MAP2K6: variants seen among roughly 807,000 people sequenced by gnomAD.
MAP2K6 encodes the protein mitogen-activated protein kinase kinase 6.
In MAP2K6, 16 loss-of-function variants were observed where a neutral mutation model predicts 53.7. The observed-to-expected ratio is 0.30, with a 90% CI of 0.20 to 0.45. The LOEUF (loss-of-function observed/expected upper bound fraction) is 0.45. Among genes scored for constraint, MAP2K6 ranks in the 20% least tolerant of loss-of-function variants. The pLI, the probability that MAP2K6 is intolerant of heterozygous loss-of-function variation, is 1.00. For missense variants in MAP2K6, 204 were observed against 411.9 expected (o/e 0.50, Z 4.37); for synonymous variants, 132 against 143.1 (o/e 0.92, Z 0.55).
At chr17:69,540,993 G>A (rs1911590259) in intron 11 of MAP2K6, among the ~76,000 whole-genome samples, 2 of 152,210 alleles carry the variant, frequency 1.3e-5, no homozygotes, top group Admixed American at 6.5e-5. Flanking sequence ...GCCGGGCATG[G>A]TGGCACACGC....
At chr17:69,422,252 C>G (rs556840427) in intron 1 of MAP2K6, among the ~76,000 whole-genome samples, 2 of 151,502 alleles carry the variant, frequency 1.3e-5, no homozygotes, top group Non-Finnish European at 2.9e-5. Flanking sequence ...CTGCCTCAGC[C>G]TCCCGAGTAG....
intron 1 of MAP2K6, among the ~76,000 whole-genome samples, chr17:69,482,782 A>G (rs745549842): frequency 6.6e-6 from 1 of 152,068 alleles, no homozygotes; most frequent in Non-Finnish European, 1.5e-5. Flanking sequence ...ATATCTTTAT[A>G]TCTTTAGTAT....
At chr17:69,497,620 G>T (rs67953371) in intron 1 of MAP2K6, among the ~76,000 whole-genome samples, 4,996 of 151,132 alleles carry the variant, frequency 0.033, 233 homozygotes, top group East Asian at 0.15. Flanking sequence ...AAATATATTT[G>T]TTACAGTATT....
intron 1 of MAP2K6, among the ~76,000 whole-genome samples, chr17:69,424,249 AG>A (rs548943367): frequency 6.5e-4 from 99 of 152,308 alleles, no homozygotes; most frequent in African/African-American, 2.2e-3. Context: ...CTGAAAATGA[AG>A]GGAGGTGAAA....
chr17:69,481,402 CTGTCAGTGGACACTTGGGT>C (rs1908347125), intron 1 of MAP2K6, among the ~76,000 whole-genome samples: 1 of 152,108 alleles, frequency 6.6e-6, no homozygotes, highest in Non-Finnish European at 1.5e-5. Context: ...ATCTATTTAT[CTGTCAGTGGACACTTGGGT>C]TGCTTCCACC....
rs1911970755 is a variant in MAP2K6 at position 69,548,643 on chromosome 17, C to T, written c.*6890C>T. On this transcript the variant is annotated 3_prime_UTR_variant, in exon 12 of 12. Coordinates refer to ENST00000590474, the MANE Select transcript of MAP2K6 (RefSeq NM_002758.4). ...TGCTCTTCACCTAGGGAAATAAAAC[C>T]TGAATTTCAGAGCCTTCAAAATGAA... 6.6e-6 allele frequency: 1 copy of T among 152,092 alleles called. No individual in the cohort carries two copies. The highest frequency in any genetic ancestry group is 1.5e-5 in the Non-Finnish European group (1 of 68,020). The allele number at this position is 152,092 out of a possible 1,614,324, so 9.4% of individuals were successfully genotyped here.
chr17:69,525,834 G>A (rs746776384), intron 9 of MAP2K6, among the ~76,000 whole-genome samples: 5 of 152,158 alleles, frequency 3.3e-5, no homozygotes, highest in Non-Finnish European at 7.3e-5. Flanking sequence ...TATCAGTCAG[G>A]TATATCCTCA....
intron 1 of MAP2K6, among the ~76,000 whole-genome samples, chr17:69,457,120 C>T (rs1907439443): frequency 6.6e-6 from 1 of 152,200 alleles, no homozygotes; most frequent in Non-Finnish European, 1.5e-5. Context: ...AGCAAGAGTT[C>T]CTACCCCAGA....
rs1242755024 is a variant in MAP2K6, at chr17:69,494,630, C to T, written c.17-11150C>T. 6.6e-6 allele frequency among the ~76,000 whole-genome samples: 1 copy of T among 152,108 alleles called. No homozygotes were observed. The highest frequency in any genetic ancestry group is 1.5e-5 in the Non-Finnish European group (1 of 67,998). ...AACGTTCCTTTGTTTCTTTATTACC[C>T]CCTTAGTCTTCAAGCAGCTGGTTGA... On this transcript the variant is annotated intron_variant, in intron 1 of 11. Transcript: ENST00000590474. The surrounding 1 kb of genome is among the most constrained non-coding windows in gnomAD (Gnocchi z 4.2).
At chr17:69,447,553 C>A (rs1907013311) in intron 1 of MAP2K6, among the ~76,000 whole-genome samples, 1 of 151,994 alleles carries the variant, frequency 6.6e-6, no homozygotes, top group African/African-American at 2.4e-5. Flanking sequence ...ACCATGTTGA[C>A]CAGGCTGGTC....
At position 69,436,181 on chromosome 17, in the gene MAP2K6, C is replaced by T. The variant is rs192250144; in HGVS notation, c.16+21181C>T. On this transcript the variant is annotated intron_variant, in intron 1 of 11. Coordinates refer to ENST00000590474, the MANE Select transcript of MAP2K6 (RefSeq NM_002758.4). ...TAACAGATCTCATCTAAATTCCATC[C>T]TTTTCCTGGAGCTTCTGCTATCCTA... is the stretch of plus-strand genomic sequence containing the variant. Among the ~76,000 whole-genome samples the T allele has an allele frequency of 5.3e-4, 80 of 152,242 alleles. 1 individual carries two copies. The highest frequency in any genetic ancestry group is 5.9e-4 in the Admixed American group (9 of 15,290).
chr17:69,520,376 T>C lies in MAP2K6; in HGVS notation c.473T>C (p.Ile158Thr). 6.3e-7 allele frequency: 1 copy of C among 1,595,266 alleles called. No homozygotes were observed. The highest frequency in any genetic ancestry group is 8.6e-7 in the Non-Finnish European group (1 of 1,167,602). The change falls in exon 6 of 12, where the codon ATA becomes ACA. Residue 158 changes from isoleucine to threonine, a missense_variant. Transcript: ENST00000590474. ...QTIPEDILGK[I>T]AVSIVKALEH... Reference sequence around the variant, plus strand: ...ATTCCAGAGGACATCTTAGGGAAAATAGCAGTTTCTGTGAGTACATTTTGA... The same window carrying C: ...ATTCCAGAGGACATCTTAGGGAAAACAGCAGTTTCTGTGAGTACATTTTGA...
Position 69,551,398 on chromosome 17 carries a change from G to A in MAP2K6, c.*9645G>A, listed in dbSNP as rs1912093870. ...GTATCTGTCATGAACTGCACACAAGGGAATGCTTAAACACCAGCTGAGTCA... is the reference window on the plus strand; with the variant it reads ...GTATCTGTCATGAACTGCACACAAGAGAATGCTTAAACACCAGCTGAGTCA... On this transcript the variant is annotated 3_prime_UTR_variant, in exon 12 of 12. Transcript: ENST00000590474. 6.6e-6 allele frequency: 1 copy of A among 152,134 alleles called. No homozygotes were observed. Among genetic ancestry groups the A allele is most frequent in the Non-Finnish European group, 1.5e-5 (1 of 68,038 alleles). 9.4% of individuals were successfully genotyped at this position (152,134 alleles called of 1,614,324 possible). A position where few individuals can be genotyped will look rare whatever the true frequency, so the allele number is the denominator to read the frequency against.
chr17:69,449,539 T>TTCTTTGTCTG (rs1487904811), intron 1 of MAP2K6, among the ~76,000 whole-genome samples: 10 of 105,346 alleles, frequency 9.5e-5, no homozygotes, highest in Non-Finnish European at 1.7e-4. Context: ...TTGTCTTTCT[T>TTCTTTGTCTG]TCTTTCTTTC....
At chr17:69,498,650 C>CCACACACACACA (rs3222089) in intron 1 of MAP2K6, among the ~76,000 whole-genome samples, 4,696 of 145,476 alleles carry the variant, frequency 0.032, 99 homozygotes, top group Middle Eastern at 0.059. Context: ...CACCTGGAAG[C>CCACACACACACA]CACACACACA....
intron 1 of MAP2K6, among the ~76,000 whole-genome samples, chr17:69,458,109 A>T (rs765062047): frequency 4.0e-5 from 6 of 151,882 alleles, no homozygotes; most frequent in Non-Finnish European, 7.4e-5. Flanking sequence ...GCTGGAGTGC[A>T]ATGGTGCCAT....
chr17:69,478,443 T>A (rs1377517000), intron 1 of MAP2K6, among the ~76,000 whole-genome samples: 2 of 152,194 alleles, frequency 1.3e-5, no homozygotes, highest in Middle Eastern at 3.2e-3. Flanking sequence ...ACTTTCTTTC[T>A]TTTTTTGAGA....
chr17:69,418,843 T>C (rs1473370195), intron 1 of MAP2K6, among the ~76,000 whole-genome samples: 1 of 151,336 alleles, frequency 6.6e-6, no homozygotes, highest in African/African-American at 2.4e-5. Context: ...TCCATTCTCT[T>C]TTCTTCCTTC....
intron 1 of MAP2K6, among the ~76,000 whole-genome samples, chr17:69,455,032 A>ATTTTTTTTTTT (rs1325715753): frequency 1.9e-5 from 1 of 52,216 alleles, no homozygotes. Flanking sequence ...TCTTACTATT[A>ATTTTTTTTTTT]TTATTTTTTT....
Sources: gnomAD v4.1 joint callset for allele counts (sites outside exome capture counted in the v4.1 genomes callset) on GRCh38, gnomAD v4.1.1 for gene constraint, Gnocchi (gnomAD v3.1) non-coding constraint, MANE v1.5 for transcripts, NCBI Gene and HGNC (gene_info 2026-07-23, HGNC 2026-07-21) for gene names.